Variants in RGS6 observed in about 807,000 individuals in gnomAD.
RGS6 encodes the protein regulator of G protein signaling 6, also known as regulator of G-protein signaling 6.
Under a neutral mutation model 78.5 loss-of-function variants are expected in RGS6, and 30 were observed. That is an observed-to-expected ratio of 0.38 (90% CI 0.29 to 0.52). The LOEUF is 0.52. Ranked by LOEUF, RGS6 falls within the 20% of genes least tolerant of loss-of-function variation. The pLI is 0.85. For synonymous variants in RGS6, 206 were observed against 206.0 expected, an observed-to-expected ratio of 1.00 and a Z score of 0.00; for missense variants, 495 against 609.7, an observed-to-expected ratio of 0.81 and a Z score of 1.98.
intron 2 of RGS6, among the ~76,000 whole-genome samples, chr14:72,169,493 A>C (rs142344323): frequency 7.6e-4 from 116 of 152,354 alleles, no homozygotes; most frequent in Middle Eastern, 3.4e-3. Context: ...TAGTGTTTCA[A>C]CAGAAACAGT....
chr14:72,217,935 A>G (rs1567498992), intron 2 of RGS6, among the ~76,000 whole-genome samples: 1 of 152,186 alleles, frequency 6.6e-6, no homozygotes, highest in African/African-American at 2.4e-5. Flanking sequence ...CCACATACAT[A>G]TGTGTGTCAG....
chr14:72,175,963 CT>C (rs2097099876), intron 2 of RGS6, among the ~76,000 whole-genome samples: 1 of 152,286 alleles, frequency 6.6e-6, no homozygotes, highest in Admixed American at 6.5e-5. Flanking sequence ...AAGAGATCCC[CT>C]ACCTTGCTCC....
the RGS6 span, among the ~76,000 whole-genome samples, chr14:72,606,864 CCTCT>C: frequency 6.6e-6 from 1 of 152,080 alleles, no homozygotes; most frequent in African/African-American, 2.4e-5. Flanking sequence ...AGGACCTCCC[CCTCT>C]CTGTCTCACT....
At chr14:72,139,287 T>A (rs776943176) in intron 2 of RGS6, among the ~76,000 whole-genome samples, 2 of 152,228 alleles carry the variant, frequency 1.3e-5, no homozygotes, top group South Asian at 4.1e-4. Flanking sequence ...TTCTAACACT[T>A]CTGTCAATTC....
At chr14:72,619,502 C>A in the RGS6 span, 5 of 977,584 alleles carry the variant, frequency 5.1e-6, no homozygotes, top group East Asian at 5.2e-5. Context: ...GGCCTGAAAA[C>A]GTGCCAGAGT....
At chr14:72,571,570 G>A in the RGS6 span, among the ~76,000 whole-genome samples, 1 of 152,056 alleles carries the variant, frequency 6.6e-6, no homozygotes, top group South Asian at 2.1e-4. Context: ...AATTCAATAG[G>A]GGAAAGAATC....
chr14:72,058,416 C>G (rs1177230929), intron 2 of RGS6, among the ~76,000 whole-genome samples: 1 of 151,888 alleles, frequency 6.6e-6, no homozygotes, highest in Non-Finnish European at 1.5e-5. Flanking sequence ...TCTAAAATCA[C>G]ATGGTTATTT....
chr14:72,387,124 A>G (rs2152923997), intron 3 of RGS6, among the ~76,000 whole-genome samples: 1 of 152,264 alleles, frequency 6.6e-6, no homozygotes, highest in South Asian at 2.1e-4. Context: ...TGTATTTTGT[A>G]ATATACATAT....
the RGS6 span, among the ~76,000 whole-genome samples, chr14:71,867,924 G>A: frequency 5.9e-5 from 9 of 152,122 alleles, no homozygotes; most frequent in Admixed American, 1.3e-4. Flanking sequence ...AGATGTGATC[G>A]CTCCTCTTAA....
intron 3 of RGS6, among the ~76,000 whole-genome samples, chr14:72,368,712 A>G (rs1427189793): frequency 6.6e-6 from 1 of 152,218 alleles, no homozygotes; most frequent in Admixed American, 6.5e-5. Context: ...AAAGTTAATC[A>G]GTATTCTTAG....
intron 3 of RGS6, among the ~76,000 whole-genome samples, chr14:72,378,839 A>G (rs540970991): frequency 1.5e-4 from 23 of 152,278 alleles, no homozygotes; most frequent in African/African-American, 4.6e-4. Context: ...AACTCATTCT[A>G]TGAGACCAGT....
chr14:72,316,823 T>G (rs2070388288), intron 2 of RGS6, among the ~76,000 whole-genome samples: 1 of 151,944 alleles, frequency 6.6e-6, no homozygotes. Context: ...AAACCTGAAC[T>G]TCTCAAAGTG....
chr14:72,502,352 C>T (rs1454349588), intron 13 of RGS6, among the ~76,000 whole-genome samples: 1 of 152,220 alleles, frequency 6.6e-6, no homozygotes, highest in Non-Finnish European at 1.5e-5. Context: ...CATCCAACTA[C>T]AACCATGTGA....
the RGS6 span, among the ~76,000 whole-genome samples, chr14:72,579,296 G>T: frequency 5.3e-5 from 8 of 152,310 alleles, no homozygotes; most frequent in African/African-American, 1.9e-4. Context: ...GGTAATCATT[G>T]TCCCTGGCCA....
At chr14:71,924,493 C>T in the RGS6 span, among the ~76,000 whole-genome samples, 135 of 152,264 alleles carry the variant, frequency 8.9e-4, 1 homozygote, top group African/African-American at 3.2e-3. Context: ...GATTCCTAGA[C>T]ATACTCATCC....
chr14:71,983,008 G>A (rs1002216879), intron 2 of RGS6, among the ~76,000 whole-genome samples: 7 of 152,142 alleles, frequency 4.6e-5, no homozygotes, highest in African/African-American at 4.8e-5. Flanking sequence ...GTGGTCTAGC[G>A]TGATGGTGGT....
chr14:72,062,688 T>C (rs1233321505), intron 2 of RGS6, among the ~76,000 whole-genome samples: 3 of 152,246 alleles, frequency 2.0e-5, no homozygotes, highest in Admixed American at 1.3e-4. Context: ...CAAGATGTTG[T>C]TACCTATTTA....
chr14:71,950,142 C>G (rs1240184077), intron 1 of RGS6, among the ~76,000 whole-genome samples: 1 of 152,142 alleles, frequency 6.6e-6, no homozygotes, highest in Non-Finnish European at 1.5e-5. Context: ...TTCTAAAGAA[C>G]AAAGCTGGAG....
intron 2 of RGS6, among the ~76,000 whole-genome samples, chr14:72,278,276 T>A (rs578198200): frequency 6.6e-6 from 1 of 152,310 alleles, no homozygotes; most frequent in East Asian, 1.9e-4. Flanking sequence ...CAGAAACAAT[T>A]TGGTTTTGAT....
Sources: gnomAD v4.1 joint callset for allele counts (sites outside exome capture counted in the v4.1 genomes callset) on GRCh38, gnomAD v4.1.1 for gene constraint, MANE v1.5 for transcripts, NCBI Gene and HGNC (gene_info 2026-07-23, HGNC 2026-07-21) for gene names.